Variants in ADK observed in about 807,000 individuals in gnomAD.
ADK encodes adenosine kinase, also known as N6,N6-dimethyladenosine kinase.
Under a neutral mutation model 44.7 loss-of-function variants are expected in ADK, and 24 were observed. The observed-to-expected ratio is 0.54, with a 90% CI of 0.39 to 0.76. The LOEUF (loss-of-function observed/expected upper bound fraction) is 0.76. Ranked by LOEUF, ADK falls within the 30% of genes least tolerant of loss-of-function variation. The pLI is 0.00. For missense variants in ADK, 321 were observed against 425.1 expected (o/e 0.76, Z 2.15); for synonymous variants, 128 against 142.6 (o/e 0.90, Z 0.73).
intron 6 of ADK, among the ~76,000 whole-genome samples, chr10:74,524,722 T>G (rs1848972059): frequency 6.6e-6 from 1 of 152,132 alleles, no homozygotes; most frequent in Admixed American, 6.5e-5. Context: ...AACAGATTAT[T>G]TTAAAGTCAC....
intron 7 of ADK, among the ~76,000 whole-genome samples, chr10:74,585,341 A>G (rs778794462): frequency 1.8e-4 from 28 of 152,176 alleles, no homozygotes; most frequent in Non-Finnish European, 3.1e-4. Flanking sequence ...TGTAAAGGAC[A>G]TATTATGTGA....
chr10:74,299,640 A>G (rs1839935290), intron 3 of ADK, among the ~76,000 whole-genome samples: 1 of 151,038 alleles, frequency 6.6e-6, no homozygotes, highest in South Asian at 2.1e-4. Context: ...TATGGATCAG[A>G]AAAAAGGGTT....
chr10:74,183,274 A>G (rs1383951229), intron 1 of ADK, among the ~76,000 whole-genome samples: 2 of 152,134 alleles, frequency 1.3e-5, no homozygotes. Context: ...TTAAATTGTT[A>G]TTTAAAAAAT....
chr10:74,595,213 T>A (rs1298517854), intron 8 of ADK, among the ~76,000 whole-genome samples: 2 of 149,934 alleles, frequency 1.3e-5, no homozygotes, highest in Non-Finnish European at 3.0e-5. Context: ...TATGACTTTT[T>A]CAAAGTCATA....
chr10:74,508,486 CATTT>C (rs1396199746), intron 6 of ADK: 1 of 152,146 alleles, frequency 6.6e-6, no homozygotes, highest in Non-Finnish European at 1.5e-5. Context: ...CTATATTAAG[CATTT>C]ATTTAATTCT....
intron 6 of ADK, among the ~76,000 whole-genome samples, chr10:74,401,718 T>C (rs1322010707): frequency 2.0e-5 from 3 of 152,232 alleles, no homozygotes; most frequent in African/African-American, 7.2e-5. Context: ...TGTCTTTTAA[T>C]TGGGGCGTTT....
At chr10:74,501,530 G>A (rs1044769883) in intron 6 of ADK, among the ~76,000 whole-genome samples, 2 of 152,030 alleles carry the variant, frequency 1.3e-5, no homozygotes, top group South Asian at 4.1e-4. Context: ...TTTTAAAAGT[G>A]CACCTTTGAT....
chr10:74,245,052 T>G (rs1845365734), intron 3 of ADK, among the ~76,000 whole-genome samples: 1 of 152,244 alleles, frequency 6.6e-6, no homozygotes, highest in Non-Finnish European at 1.5e-5. Flanking sequence ...ATGTAGATGC[T>G]TGTTATAAGT....
chr10:74,584,022 G>A (rs1851452536), intron 7 of ADK, among the ~76,000 whole-genome samples: 1 of 152,184 alleles, frequency 6.6e-6, no homozygotes, highest in Admixed American at 6.5e-5. Context: ...TCAAGAAGAT[G>A]AACAAAACAT....
chr10:74,609,928 C>G (rs1852480360), intron 9 of ADK, among the ~76,000 whole-genome samples: 1 of 152,116 alleles, frequency 6.6e-6, no homozygotes, highest in Admixed American at 6.6e-5. Flanking sequence ...GATTGAGTTT[C>G]CATCTACCCT....
chr10:74,334,147 C>T (rs901070259), intron 4 of ADK, among the ~76,000 whole-genome samples: 3 of 152,044 alleles, frequency 2.0e-5, no homozygotes, highest in Non-Finnish European at 4.4e-5. Flanking sequence ...TCCCTGTGTC[C>T]CCTTTGTAGT....
intron 4 of ADK, among the ~76,000 whole-genome samples, chr10:74,363,066 T>C (rs1842388373): frequency 6.6e-6 from 1 of 152,228 alleles, no homozygotes; most frequent in African/African-American, 2.4e-5. Flanking sequence ...CTCACCTCAT[T>C]GGCTCAGATT....
chr10:74,639,748 A>G (rs1049471778), intron 9 of ADK, among the ~76,000 whole-genome samples: 2 of 152,302 alleles, frequency 1.3e-5, no homozygotes, highest in Admixed American at 6.5e-5. Flanking sequence ...AGGCAGGAGA[A>G]TCGCTTGATC....
intron 7 of ADK, among the ~76,000 whole-genome samples, chr10:74,563,934 G>T (rs1231869509): frequency 1.3e-5 from 2 of 151,826 alleles, no homozygotes; most frequent in African/African-American, 4.8e-5. Flanking sequence ...GGGTACATGT[G>T]CACAATGTGC....
At chr10:74,160,032 C>T (rs1591791138) in intron 1 of ADK, among the ~76,000 whole-genome samples, 1 of 152,242 alleles carries the variant, frequency 6.6e-6, no homozygotes, top group Non-Finnish European at 1.5e-5. Context: ...TCTCATGAGT[C>T]CAAAGGAAGA....
chr10:74,462,481 C>T (rs966607307), intron 6 of ADK, among the ~76,000 whole-genome samples: 5 of 151,996 alleles, frequency 3.3e-5, no homozygotes, highest in African/African-American at 1.2e-4. Flanking sequence ...CACATTTTCT[C>T]CTAGAACTCA....
Position 74,270,726 on chromosome 10 carries a change from A to G in ADK, c.195-43941A>G, listed in dbSNP as rs11817779. Among the ~76,000 whole-genome samples the G allele has an allele frequency of 5.0e-3, 767 of 152,352 alleles. 11 individuals carry two copies. The highest frequency in any genetic ancestry group is 0.017 in the African/African-American group (715 of 41,564). ...AATTTACAGTAGAGTCTGGGCATCA[A>G]TATTAGATGTCTATTGATCTTTTAT... On this transcript the variant is annotated intron_variant, in intron 3 of 10. Transcript: ENST00000539909.
chr10:74,302,205 T>A (rs1414490832), intron 3 of ADK, among the ~76,000 whole-genome samples: 1 of 137,728 alleles, frequency 7.3e-6, no homozygotes, highest in Non-Finnish European at 1.5e-5. Flanking sequence ...CTTGGCTCGC[T>A]GCAACCCCTA....
chr10:74,642,171 A>G (rs2134100288), intron 9 of ADK, among the ~76,000 whole-genome samples: 1 of 152,236 alleles, frequency 6.6e-6, no homozygotes, highest in South Asian at 2.1e-4. Flanking sequence ...CTCTACTAAT[A>G]TTTTTGTTTG....
Sources: gnomAD v4.1 joint callset for allele counts (sites outside exome capture counted in the v4.1 genomes callset) on GRCh38, gnomAD v4.1.1 for gene constraint, MANE v1.5 for transcripts, NCBI Gene and HGNC (gene_info 2026-07-23, HGNC 2026-07-21) for gene names.